Variants in DAPK1 observed in about 807,000 individuals in gnomAD.
DAPK1 encodes the protein death associated protein kinase 1.
Under a neutral mutation model 144.9 loss-of-function variants are expected in DAPK1, and 56 were observed. The observed-to-expected ratio is 0.39, with a 90% CI of 0.31 to 0.48. DAPK1 has a LOEUF of 0.48. Among genes scored for constraint, DAPK1 ranks in the 20% least tolerant of loss-of-function variants. The pLI, the probability that DAPK1 is intolerant of heterozygous loss-of-function variation, is 0.95. For missense variants in DAPK1, 1,454 were observed against 1,875.4 expected, an observed-to-expected ratio of 0.78 and a Z score of 4.15; for synonymous variants, 690 against 749.0, an observed-to-expected ratio of 0.92 and a Z score of 1.29.
rs190382994 is a variant in DAPK1, at chr9:87,687,361, C to T, written c.2413+622C>T. The stretch of plus-strand genomic sequence containing the variant: ...CTCCATAAAATCAACTTTTTTAGCT[C>T]CCACATGTGAATGAGAACATGCAGT... On this transcript the variant is annotated intron_variant, in intron 21 of 25. Transcript: ENST00000408954. Among the ~76,000 whole-genome samples, 20 of 152,286 alleles carry T rather than the reference C, an allele frequency of 1.3e-4. No homozygotes were observed. In the East Asian group the frequency reaches 1.9e-3, roughly 15 times the overall value.
chr9:87,530,297 T>C (rs1230245358), intron 2 of DAPK1, among the ~76,000 whole-genome samples: 1 of 152,250 alleles, frequency 6.6e-6, no homozygotes, highest in Non-Finnish European at 1.5e-5. Context: ...TTGTAACTTT[T>C]AGTATTAATC....
chr9:87,626,308 G>A (rs532603466), intron 3 of DAPK1, among the ~76,000 whole-genome samples: 3 of 152,240 alleles, frequency 2.0e-5, no homozygotes, highest in Admixed American at 6.5e-5. Context: ...CCAGCTACTC[G>A]GGAGGCTGAG....
intron 3 of DAPK1, among the ~76,000 whole-genome samples, chr9:87,627,508 C>T (rs188461384): frequency 6.6e-6 from 1 of 152,198 alleles, no homozygotes; most frequent in African/African-American, 2.4e-5. Context: ...TCCCTCTCCC[C>T]TTGCCCCCGG....
chr9:87,515,903 C>T (rs977831398), intron 2 of DAPK1, among the ~76,000 whole-genome samples: 6 of 152,136 alleles, frequency 3.9e-5, no homozygotes, highest in Admixed American at 6.5e-5. Flanking sequence ...TCCTGCAGGT[C>T]GGTCTTACCA....
At chr9:87,670,155 GAAACCTTTT>G (rs1340655837) in intron 19 of DAPK1, among the ~76,000 whole-genome samples, 1 of 152,048 alleles carries the variant, frequency 6.6e-6, no homozygotes, top group Non-Finnish European at 1.5e-5. Flanking sequence ...AAACTCAAGG[GAAACCTTTT>G]CGTTTACAGG....
intron 3 of DAPK1, among the ~76,000 whole-genome samples, chr9:87,628,538 G>A (rs968026201): frequency 1.3e-5 from 2 of 152,178 alleles, no homozygotes; most frequent in Non-Finnish European, 2.9e-5. Flanking sequence ...CCAAGGAACT[G>A]AAATTAGAAT....
At chr9:87,554,367 G>C (rs1443471230) in intron 2 of DAPK1, 1 of 151,982 alleles carries the variant, frequency 6.6e-6, no homozygotes, top group African/African-American at 2.4e-5. Flanking sequence ...GCAATGCCTC[G>C]AGGCATGTTT....
intron 24 of DAPK1, among the ~76,000 whole-genome samples, chr9:87,700,501 T>C (rs1012947484): frequency 1.3e-5 from 2 of 152,174 alleles, no homozygotes; most frequent in Non-Finnish European, 2.9e-5. Context: ...TTTTATTTAT[T>C]TATTTTATTT....
At position 87,696,912 on chromosome 9, in the gene DAPK1, A is replaced by C. The variant is rs1825278702; in HGVS notation, c.2414-95A>C. Reference sequence around the variant, plus strand: ...ACAGAAGAATGCCATAAGTATCACTATGCCTACTTCGAATCCGTGGAACGC... The same window carrying C: ...ACAGAAGAATGCCATAAGTATCACTCTGCCTACTTCGAATCCGTGGAACGC... On this transcript the variant is annotated intron_variant, in intron 21 of 25. Transcript: ENST00000408954. 5 of 770,970 alleles carry C rather than the reference A, an allele frequency of 6.5e-6. No individual in the cohort carries two copies. The South Asian group carries it at 7.1e-5, about 11-fold the overall frequency. 47.8% of individuals were successfully genotyped at this position (770,970 alleles called of 1,614,324 possible).
At chr9:87,676,222 A>G (rs1377773260) in intron 19 of DAPK1, among the ~76,000 whole-genome samples, 3 of 152,234 alleles carry the variant, frequency 2.0e-5, no homozygotes, top group Non-Finnish European at 2.9e-5. Flanking sequence ...GCCAGGTCTC[A>G]GGGTTGTCTT....
chr9:87,524,073 G>A (rs1246167659), intron 2 of DAPK1, among the ~76,000 whole-genome samples: 1 of 152,226 alleles, frequency 6.6e-6, no homozygotes, highest in East Asian at 1.9e-4. Context: ...CAGCCCATGA[G>A]AGGCAAGTTA....
chr9:87,655,251 G>A lies in DAPK1; in HGVS notation c.1825-2778G>A, dbSNP rs185021266. Among the ~76,000 whole-genome samples, 193 of 152,272 alleles carry A rather than the reference G, an allele frequency of 1.3e-3. 2 individuals are homozygous for A. The Middle Eastern group carries it at 0.031, about 24-fold the overall frequency. On this transcript the variant is annotated intron_variant, in intron 17 of 25. Coordinates refer to ENST00000408954, the MANE Select transcript of DAPK1 (RefSeq NM_004938.4). ...ACACAAGCTCTGCATCTCTGCCCCC[G>A]CAGACAGGCTCCCCAGGTTGGCTTT...
At position 87,522,585 on chromosome 9, in the gene DAPK1, T is replaced by C. The variant is rs142653835; in HGVS notation, c.62+23446T>C. On this transcript the variant is annotated intron_variant, in intron 2 of 25. Coordinates refer to ENST00000408954, the MANE Select transcript of DAPK1 (RefSeq NM_004938.4). ...TTCTAGGATTCTTTTCTAATTTTTC[T>C]ATTATAAGCAATTCTGCAATGATTG... is the stretch of plus-strand genomic sequence containing the variant. Among the ~76,000 whole-genome samples the C allele has an allele frequency of 2.0e-5, 3 of 152,362 alleles. No individual in the cohort carries two copies. In the East Asian group the frequency reaches 5.8e-4, roughly 29 times the overall value.
At chr9:87,604,173 G>C (rs1043941929) in intron 2 of DAPK1, among the ~76,000 whole-genome samples, 8 of 152,060 alleles carry the variant, frequency 5.3e-5, no homozygotes, top group African/African-American at 2.4e-5. Context: ...CGGCTTTGAG[G>C]GGGGGGTTCT....
At chr9:87,677,966 A>G (rs1454379680) in intron 19 of DAPK1, among the ~76,000 whole-genome samples, 3 of 152,154 alleles carry the variant, frequency 2.0e-5, no homozygotes, top group Admixed American at 1.3e-4. Context: ...GCCACCCCCA[A>G]TGAGTAACTC....
chr9:87,556,230 C>G (rs1236985459), intron 2 of DAPK1, among the ~76,000 whole-genome samples: 1 of 152,142 alleles, frequency 6.6e-6, no homozygotes, highest in Non-Finnish European at 1.5e-5. Flanking sequence ...AGTGCTTTTT[C>G]CTGTGTTACC....
chr9:87,661,172 A>G (rs1830833592), intron 18 of DAPK1, among the ~76,000 whole-genome samples: 1 of 152,146 alleles, frequency 6.6e-6, no homozygotes, highest in Non-Finnish European at 1.5e-5. Flanking sequence ...GTAGTATTCC[A>G]TTGTGTATAT....
Position 87,651,694 on chromosome 9 carries a change from A to G in DAPK1, c.1794A>G (p.Glu598=). Residue 598 remains glutamate, a synonymous_variant, in exon 17 of 26, where the codon GAA becomes GAG. Coordinates refer to ENST00000408954, the MANE Select transcript of DAPK1 (RefSeq NM_004938.4). ...GNMPIVVALC[E]ANCNLDISNK... is the part of the protein sequence containing the mutation. Reference sequence around the variant, plus strand: ...TGCCTATCGTGGTGGCCCTCTGTGAAGCAAACTGCAATTTGGACATCTCCA... The same window carrying G: ...TGCCTATCGTGGTGGCCCTCTGTGAGGCAAACTGCAATTTGGACATCTCCA... 6.2e-7 allele frequency: 1 copy of G among 1,614,190 alleles called. No homozygotes were observed. The highest frequency in any genetic ancestry group is 8.5e-7 in the Non-Finnish European group (1 of 1,180,026).
chr9:87,579,573 A>C (rs952031685), intron 2 of DAPK1, among the ~76,000 whole-genome samples: 2 of 152,172 alleles, frequency 1.3e-5, no homozygotes, highest in African/African-American at 4.8e-5. Context: ...GAATAATAGC[A>C]GAGGCACCCA....
Sources: allele counts gnomAD v4.1 joint callset (sites outside exome capture counted in the v4.1 genomes callset), GRCh38; gene constraint gnomAD v4.1.1; transcripts MANE v1.5; gene names NCBI Gene and HGNC (gene_info 2026-07-23, HGNC 2026-07-21).